The following RAB3IP variants were observed in gnomAD, a reference collection of about 807,000 sequenced individuals.
RAB3IP encodes the protein rab-3A-interacting protein.
In RAB3IP, 36 loss-of-function variants were observed where a neutral mutation model predicts 59.1. That is an observed-to-expected ratio of 0.61 (90% CI 0.47 to 0.80). RAB3IP has a LOEUF of 0.80. RAB3IP is among the 30% of genes least tolerant of loss of function. The pLI is 0.00. For synonymous variants in RAB3IP, 207 were observed against 191.2 expected (o/e 1.08, Z -0.68); for missense variants, 511 against 536.0 (o/e 0.95, Z 0.46).
chr12:69,745,227 G>A (rs1334074993), intron 1 of RAB3IP, among the ~76,000 whole-genome samples: 1 of 152,100 alleles, frequency 6.6e-6, no homozygotes, highest in African/African-American at 2.4e-5. Context: ...CCAAAGATAA[G>A]AGCAGTTAAC....
chr12:69,794,570 G>T, intron 5 of RAB3IP, 56 bp downstream of exon 5: 1 of 1,343,324 alleles, frequency 7.4e-7, no homozygotes, highest in Non-Finnish European at 1.0e-6. Context: ...CTGTTTTAAA[G>T]ATACCTTAAC....
chr12:69,781,518 C>T (rs942485215), intron 3 of RAB3IP, among the ~76,000 whole-genome samples: 3 of 152,156 alleles, frequency 2.0e-5, no homozygotes, highest in Non-Finnish European at 4.4e-5. Flanking sequence ...ATCCTCTTTA[C>T]TCTGCCTGCT....
chr12:69,759,973 G>A lies in RAB3IP; in HGVS notation c.510+3310G>A, dbSNP rs536621367. Among the ~76,000 whole-genome samples, 10 of 150,746 alleles carry A rather than the reference G, an allele frequency of 6.6e-5. No homozygotes were observed. In the East Asian group the frequency reaches 1.4e-3, roughly 20 times the overall value. ...CAGAGACGCTCCTCACTTCCCAGACGGGGTGGCGGCCGGGCAGAGGCTGCA... is the reference window on the plus strand; with the variant it reads ...CAGAGACGCTCCTCACTTCCCAGACAGGGTGGCGGCCGGGCAGAGGCTGCA... On this transcript the variant is annotated intron_variant, in intron 3 of 10. Transcript: ENST00000247833.
chr12:69,802,978 C>T (rs1878628780), intron 8 of RAB3IP, among the ~76,000 whole-genome samples: 1 of 152,128 alleles, frequency 6.6e-6, no homozygotes, highest in Non-Finnish European at 1.5e-5. Flanking sequence ...TTGTTCTGAT[C>T]CTTCCACCCC....
At chr12:69,767,580 A>C (rs1017481838) in intron 3 of RAB3IP, among the ~76,000 whole-genome samples, 2 of 152,222 alleles carry the variant, frequency 1.3e-5, no homozygotes, top group African/African-American at 2.4e-5. Context: ...CTTCAGCCCT[A>C]AGTTCTCTGC....
chr12:69,743,652 A>C (rs561985209), intron 1 of RAB3IP, among the ~76,000 whole-genome samples: 1 of 152,238 alleles, frequency 6.6e-6, no homozygotes, highest in South Asian at 2.1e-4. Context: ...GTCAGTTCAC[A>C]CAGCTTGTCA....
At chr12:69,761,795 G>A (rs139891693) in intron 3 of RAB3IP, among the ~76,000 whole-genome samples, 15 of 152,188 alleles carry the variant, frequency 9.9e-5, no homozygotes, top group African/African-American at 1.9e-4. Context: ...CCAAATTTTC[G>A]TGACTTTACC....
At chr12:69,814,123 A>C (rs956464936) in intron 10 of RAB3IP, among the ~76,000 whole-genome samples, 7 of 152,208 alleles carry the variant, frequency 4.6e-5, no homozygotes, top group African/African-American at 1.4e-4. Flanking sequence ...CTTTTTGAAT[A>C]CCTGTTGATG....
At chr12:69,744,095 CAT>C (rs2136097936) in intron 1 of RAB3IP, among the ~76,000 whole-genome samples, 1 of 152,056 alleles carries the variant, frequency 6.6e-6, no homozygotes, top group South Asian at 2.1e-4. Context: ...GTCAACCCAT[CAT>C]CTACCTTAGG....
intron 3 of RAB3IP, among the ~76,000 whole-genome samples, chr12:69,759,525 G>C (rs7954759): frequency 6.6e-6 from 1 of 151,990 alleles, no homozygotes; most frequent in East Asian, 1.9e-4. Flanking sequence ...GGTGGTGGCC[G>C]GGCAGAGGAG....
chr12:69,804,528 T>C (rs902639765), intron 8 of RAB3IP, among the ~76,000 whole-genome samples: 2 of 152,256 alleles, frequency 1.3e-5, no homozygotes, highest in Non-Finnish European at 2.9e-5. Context: ...TTTTGGCTTT[T>C]GTTGCCATTG....
rs773829968 is a variant in RAB3IP, at chr12:69,779,605, C to T, written c.511-5115C>T. Among the ~76,000 whole-genome samples, 141 of 151,040 alleles carry T rather than the reference C, an allele frequency of 9.3e-4. 1 individual carries two copies. Among genetic ancestry groups the T allele is most frequent in the Non-Finnish European group, 1.6e-3 (111 of 67,910 alleles). On this transcript the variant is annotated intron_variant, in intron 3 of 10. Coordinates refer to ENST00000247833, the MANE Select transcript of RAB3IP (RefSeq NM_022456.5). ...TTATCCTGCCTTTGAGCTCACTCAT[C>T]GTTTCTTCGCTTGGTTAATTCTGTT...
chr12:69,764,226 A>C, intron 3 of RAB3IP, among the ~76,000 whole-genome samples: 1 of 151,896 alleles, frequency 6.6e-6, no homozygotes, highest in South Asian at 2.1e-4. Context: ...TGGCTTATGG[A>C]TTCTTATGGC....
chr12:69,818,805 G>T lies in RAB3IP; in HGVS notation c.*3359G>T, dbSNP rs1395630705. ...TTAAAAAGTAATAAAGTTCAAGATA[G>T]TGGTTACCTCTGGAGAGGTAGAGGA... is the stretch of plus-strand genomic sequence containing the variant. On this transcript the variant is annotated 3_prime_UTR_variant, in exon 11 of 11. Transcript: ENST00000247833. 1 of 152,210 alleles carries T rather than the reference G, an allele frequency of 6.6e-6. No homozygotes were observed. 9.4% of individuals were successfully genotyped at this position (152,210 alleles called of 1,614,324 possible).
rs1206634688 is a variant in RAB3IP at position 69,751,746 on chromosome 12, T to G, written c.-25-3638T>G. 6.6e-5 allele frequency among the ~76,000 whole-genome samples: 10 copies of G among 152,136 alleles called. No homozygotes were observed. In the South Asian group the frequency reaches 1.9e-3, roughly 28 times the overall value. On this transcript the variant is annotated intron_variant, in intron 1 of 10. Coordinates refer to ENST00000247833, the MANE Select transcript of RAB3IP (RefSeq NM_022456.5). ...AATACATTCCATTAGGGATATATAT[T>G]TATGTTGTTATGTTTTAAAATCACT...
At chr12:69,770,425 G>A (rs575782048) in intron 3 of RAB3IP, among the ~76,000 whole-genome samples, 1 of 152,096 alleles carries the variant, frequency 6.6e-6, no homozygotes. Flanking sequence ...TATAAATGCT[G>A]TGTAAATAGT....
intron 3 of RAB3IP, among the ~76,000 whole-genome samples, chr12:69,779,873 A>C (rs1874370179): frequency 1.3e-5 from 2 of 152,166 alleles, no homozygotes; most frequent in Non-Finnish European, 2.9e-5. Flanking sequence ...TGGTGAGGTC[A>C]TAGTTCCCTG....
rs2136129588 is a variant in RAB3IP at position 69,756,604 on chromosome 12, T to C, written c.451T>C (p.Leu151=). 6.2e-7 allele frequency: 1 copy of C among 1,614,102 alleles called. No individual in the cohort carries two copies. Among genetic ancestry groups the C allele is most frequent in the Non-Finnish European group, 8.5e-7 (1 of 1,179,966 alleles). Residue 151 remains leucine (L), a synonymous_variant, in exon 3 of 11, where the codon TTG becomes CTG. Transcript: ENST00000247833. ...SLSRLRSPSV[L]EVREKGYERL... is the part of the protein sequence containing the mutation. ...GTCTCGTTTACGAAGCCCATCTGTT[T>C]TGGAAGTTAGAGAAAAGGGCTATGA... is the stretch of plus-strand genomic sequence containing the variant.
At chr12:69,754,841 G>A (rs1172635532) in intron 1 of RAB3IP, among the ~76,000 whole-genome samples, 2 of 151,964 alleles carry the variant, frequency 1.3e-5, no homozygotes, top group African/African-American at 4.8e-5. Flanking sequence ...TTTGTTTTTA[G>A]TATTTTCATA....
Sources: gnomAD v4.1 joint callset for allele counts (sites outside exome capture counted in the v4.1 genomes callset) on GRCh38, gnomAD v4.1.1 for gene constraint, MANE v1.5 for transcripts, NCBI Gene and HGNC (gene_info 2026-07-23, HGNC 2026-07-21) for gene names.